RARB: variants seen among roughly 807,000 people sequenced by gnomAD.
RARB encodes the protein retinoic acid receptor beta.
A neutral mutation model predicts 51.9 loss-of-function variants in RARB; 17 were observed. The observed-to-expected ratio is 0.33, with a 90% CI of 0.22 to 0.49. The LOEUF (loss-of-function observed/expected upper bound fraction) is 0.49. RARB is among the 20% of genes least tolerant of loss of function. The pLI is 0.99. For synonymous variants in RARB, 215 were observed against 195.4 expected (o/e 1.10, Z -0.84); for missense variants, 369 against 550.8 (o/e 0.67, Z 3.30).
At chr3:25,530,115 C>G (rs1698836902) in intron 3 of RARB, among the ~76,000 whole-genome samples, 2 of 152,184 alleles carry the variant, frequency 1.3e-5, no homozygotes, top group Non-Finnish European at 2.9e-5. Flanking sequence ...CTATGTCCCA[C>G]TAGACTGAAG....
chr3:25,156,310 C>G, intron 4 of RARB, among the ~76,000 whole-genome samples: 1 of 152,032 alleles, frequency 6.6e-6, no homozygotes. Context: ...GAATTCAGCC[C>G]ATTTCTATGC....
At chr3:25,582,126 A>G (rs1472979746) in intron 5 of RARB, among the ~76,000 whole-genome samples, 1 of 152,202 alleles carries the variant, frequency 6.6e-6, no homozygotes. Context: ...TGTGGGCCAC[A>G]GTGAGCTAGA....
intron 4 of RARB, among the ~76,000 whole-genome samples, chr3:25,580,112 C>G (rs951926585): frequency 3.3e-5 from 5 of 152,226 alleles, no homozygotes; most frequent in Admixed American, 3.3e-4. Context: ...CAGTGGCTCA[C>G]GCCTGTAATC....
At position 25,075,038 on chromosome 3, in the gene RARB, C is replaced by G. The variant is rs143369803; in HGVS notation, c.-328+14862C>G. Among the ~76,000 whole-genome samples the G allele has an allele frequency of 4.9e-3, 751 of 152,240 alleles. 7 individuals carry two copies. The highest frequency in any genetic ancestry group is 0.017 in the African/African-American group (709 of 41,548). On this transcript the variant is annotated intron_variant, in intron 3 of 11. Coordinates refer to the RARB transcript ENST00000383772. ...ATTCAGGTTTGAAAAACTGTTGACT[C>G]CCTCTCTTTATTGCTCAAATTTAAA...
At chr3:25,082,617 G>A (rs1393379460) in intron 3 of RARB, among the ~76,000 whole-genome samples, 1 of 151,826 alleles carries the variant, frequency 6.6e-6, no homozygotes, top group Admixed American at 6.6e-5. Flanking sequence ...GGTATTTTAT[G>A]AAATCCAGAG....
chr3:25,340,492 T>C (rs1013422192), intron 5 of RARB, among the ~76,000 whole-genome samples: 2 of 152,178 alleles, frequency 1.3e-5, no homozygotes, highest in Non-Finnish European at 2.9e-5. Flanking sequence ...CGTATTCTTA[T>C]CAGTTCTTAT....
At chr3:25,000,582 T>C (rs193246007) in intron 2 of RARB, among the ~76,000 whole-genome samples, 37 of 152,272 alleles carry the variant, frequency 2.4e-4, no homozygotes, top group African/African-American at 8.2e-4. Context: ...TTGGTGACTG[T>C]AATTTATTCT....
chr3:25,401,856 A>G (rs1707271966), intron 5 of RARB, among the ~76,000 whole-genome samples: 1 of 152,160 alleles, frequency 6.6e-6, no homozygotes, highest in African/African-American at 2.4e-5. Flanking sequence ...GGTTCACTAC[A>G]ACCTCTGCCT....
intron 5 of RARB, among the ~76,000 whole-genome samples, chr3:25,370,731 G>A (rs1347864884): frequency 6.6e-6 from 1 of 152,204 alleles, no homozygotes; most frequent in East Asian, 1.9e-4. Flanking sequence ...CGTGTATCAT[G>A]TAGGTTCTTA....
rs557596006 is a variant in RARB, at chr3:25,360,910, A to C, written c.179-100283A>C. On this transcript the variant is annotated intron_variant, in intron 5 of 11. Coordinates refer to the RARB transcript ENST00000383772. Reference sequence around the variant, plus strand: ...ACCTTTCTCTCTGGCTGCCCTTAACATTTTTTCCTTCATTTCAACCTTGCT... The same window carrying C: ...ACCTTTCTCTCTGGCTGCCCTTAACCTTTTTTCCTTCATTTCAACCTTGCT... Among the ~76,000 whole-genome samples, 108 of 151,938 alleles carry C rather than the reference A, an allele frequency of 7.1e-4. 1 individual carries two copies. The highest frequency in any genetic ancestry group is 2.4e-3 in the African/African-American group (99 of 41,432).
intron 3 of RARB, among the ~76,000 whole-genome samples, chr3:25,063,142 C>T (rs927036827): frequency 2.6e-5 from 4 of 151,872 alleles, no homozygotes; most frequent in Non-Finnish European, 4.4e-5. Flanking sequence ...TGTAACACCC[C>T]CTTTTGAATA....
chr3:25,378,544 C>CT (rs1456289078), intron 5 of RARB, among the ~76,000 whole-genome samples: 2 of 152,208 alleles, frequency 1.3e-5, no homozygotes, highest in Non-Finnish European at 2.9e-5. Flanking sequence ...ATCCAGAAGG[C>CT]TAGAAGATTG....
rs57081618 is a variant in RARB, at chr3:25,494,253, G to GCACACACA, written c.307-6910_307-6903dup. Among the ~76,000 whole-genome samples, 925 of 131,948 alleles carry GCACACACA rather than the reference G, an allele frequency of 7.0e-3. 17 individuals are homozygous for GCACACACA. The highest frequency in any genetic ancestry group is 0.022 in the African/African-American group (844 of 38,350). The allele number at this position is 131,948 out of a possible 152,430, so 86.6% of individuals were successfully genotyped here. On this transcript the variant is annotated intron_variant, in intron 2 of 7. Transcript: ENST00000330688. ...GCCCCCTTTTCCAGCTGTATCTTAC[G>GCACACACA]CACACACACACACACACACACACAC...
intron 5 of RARB, among the ~76,000 whole-genome samples, chr3:25,220,013 G>A (rs9868267): frequency 0.77 from 117,892 of 152,150 alleles, 46,379 homozygotes; most frequent in East Asian, 0.85. Flanking sequence ...TCTAAAGACA[G>A]TTATTGAATA....
chr3:24,923,111 G>A (rs141132411), intron 2 of RARB, among the ~76,000 whole-genome samples: 11 of 152,270 alleles, frequency 7.2e-5, no homozygotes, highest in East Asian at 5.8e-4. Flanking sequence ...TCAAGAGACC[G>A]GGTATTTGAG....
In RARB at chr3:25,304,142, C is replaced by T. The variant is rs114134089; in HGVS notation, c.178+129567C>T. Among the ~76,000 whole-genome samples, 881 of 152,280 alleles carry T rather than the reference C, an allele frequency of 5.8e-3. 12 individuals carry two copies. Among genetic ancestry groups the T allele is most frequent in the African/African-American group, 0.02 (835 of 41,566 alleles). On this transcript the variant is annotated intron_variant, in intron 5 of 11. Transcript: ENST00000383772. ...GCTGAACCCAAAACCCAAGCATCCA[C>T]ACTCCCATTCCATCCCTAAACAGAA...
intron 3 of RARB, among the ~76,000 whole-genome samples, chr3:25,106,287 AT>A (rs1275562730): frequency 3.0e-5 from 1 of 32,898 alleles, no homozygotes. Context: ...AAATTCTTTT[AT>A]TTTTTTTGAG....
chr3:24,984,747 T>C lies in RARB; in HGVS notation c.-379-75378T>C, dbSNP rs144348321. On this transcript the variant is annotated intron_variant, in intron 2 of 11. Coordinates refer to the RARB transcript ENST00000383772. ...TTTACTAAAAGTATTTTAGATGTTATATGCACAAAAAAGTTGCTGTGTTGG... is the reference window on the plus strand; with the variant it reads ...TTTACTAAAAGTATTTTAGATGTTACATGCACAAAAAAGTTGCTGTGTTGG... Among the ~76,000 whole-genome samples the C allele has an allele frequency of 4.9e-3, 571 of 117,576 alleles. 4 individuals carry two copies. Among genetic ancestry groups the C allele is most frequent in the African/African-American group, 0.018 (550 of 31,004 alleles). 77.1% of individuals were successfully genotyped at this position (117,576 alleles called of 152,430 possible).
intron 5 of RARB, among the ~76,000 whole-genome samples, chr3:25,587,263 C>T (rs1701427855): frequency 6.6e-6 from 1 of 152,208 alleles, no homozygotes; most frequent in South Asian, 2.1e-4. Context: ...AGTGTGGTGT[C>T]TGAGCTGCTA....
Sources: allele counts gnomAD v4.1 joint callset (sites outside exome capture counted in the v4.1 genomes callset), GRCh38; gene constraint gnomAD v4.1.1; transcripts MANE v1.5; gene names NCBI Gene and HGNC (gene_info 2026-07-23, HGNC 2026-07-21).